TMEM231: variants seen among roughly 807,000 people sequenced by gnomAD.
TMEM231 encodes the protein transmembrane protein 231.
Under a neutral mutation model 38.5 loss-of-function variants are expected in TMEM231, and 40 were observed. The observed-to-expected ratio is 1.04, with a 90% CI of 0.81 to 1.35. The LOEUF is 1.35. Ranked by LOEUF, TMEM231 falls within the 40% of genes most tolerant of loss-of-function variation. TMEM231 has a pLI of 0.00. For missense variants in TMEM231, 420 were observed against 416.9 expected (o/e 1.01, Z -0.07); for synonymous variants, 199 against 181.7 (o/e 1.10, Z -0.77).
At chr16:75,546,148 ACTT>A in intron 2 of TMEM231, 194 bp from the exon 3 acceptor site, 1 of 1,513,304 alleles carries the variant, frequency 6.6e-7, no homozygotes, top group Non-Finnish European at 8.9e-7. Flanking sequence ...TGGTCCCTGA[ACTT>A]CATATCTGGG....
In TMEM231 at chr16:75,546,125, G is replaced by C. The variant is rs1336850360; in HGVS notation, c.310-171C>G. ...TGTAAGTGCATTAATACTGGGGAGA[G>C]ACACAAAGTGCATGGTCCCTGAACT... is the stretch of plus-strand genomic sequence containing the variant. On this transcript the variant is annotated intron_variant, in intron 2 of 6. Transcript: ENST00000258173. 4 of 1,533,968 alleles carry C rather than the reference G, an allele frequency of 2.6e-6. No individual in the cohort carries two copies. The South Asian group carries it at 4.8e-5, about 18-fold the overall frequency.
intron 4 of TMEM231, among the ~76,000 whole-genome samples, chr16:75,543,751 A>G (rs2080652608): frequency 6.6e-6 from 1 of 152,240 alleles, no homozygotes. Context: ...GGAGGAAATA[A>G]TTGCTTGCTG....
chr16:75,544,440 C>T (rs1267597514), intron 4 of TMEM231, among the ~76,000 whole-genome samples: 1 of 151,938 alleles, frequency 6.6e-6, no homozygotes, highest in Non-Finnish European at 1.5e-5. Context: ...GTGGCAGCTG[C>T]TTCTTGGGTT....
At chr16:75,543,800 G>T (rs1374473887) in intron 4 of TMEM231, among the ~76,000 whole-genome samples, 1 of 152,174 alleles carries the variant, frequency 6.6e-6, no homozygotes, top group East Asian at 1.9e-4. Context: ...AACAAAAAGT[G>T]CCATATTCAT....
intron 4 of TMEM231, among the ~76,000 whole-genome samples, chr16:75,543,666 G>A (rs954780211): frequency 8.5e-5 from 13 of 152,070 alleles, no homozygotes; most frequent in Non-Finnish European, 1.8e-4. Flanking sequence ...GTCTTTTCTG[G>A]GTGCTAAGTT....
intron 2 of TMEM231, among the ~76,000 whole-genome samples, chr16:75,548,147 A>G (rs563801334): frequency 6.6e-6 from 1 of 152,238 alleles, no homozygotes; most frequent in Non-Finnish European, 1.5e-5. Context: ...AGTAATGGTG[A>G]AGACAGGATT....
In TMEM231 at chr16:75,541,518, A is replaced by G. The variant is rs1172138216; in HGVS notation, c.665-63T>C. 9 of 1,071,648 alleles carry G rather than the reference A, an allele frequency of 8.4e-6. No homozygotes were observed. In the Admixed American group the frequency reaches 1.8e-4, roughly 22 times the overall value. The allele number at this position is 1,071,648 out of a possible 1,614,324, so 66.4% of individuals were successfully genotyped here. ...TTTGACTCTGGCAGTTGAAGGCTAT[A>G]AAGATTATTTGATACCTGGAAATTA... On this transcript the variant is annotated intron_variant, in intron 5 of 6. Coordinates refer to ENST00000258173, the MANE Select transcript of TMEM231 (RefSeq NM_001077418.3).
rs1346482960 is a variant in TMEM231, at chr16:75,539,951, A to G, written c.*43T>C. ...CCTAAGATGTTCCCAGAAGATGACA[A>G]TGAGGCAGCCACGGTCCTGCTGAGT... is the stretch of plus-strand genomic sequence containing the variant. On this transcript the variant is annotated 3_prime_UTR_variant, in exon 7 of 7. Coordinates refer to ENST00000258173, the MANE Select transcript of TMEM231 (RefSeq NM_001077418.3). 2.6e-6 allele frequency: 4 copies of G among 1,551,498 alleles called. No individual in the cohort carries two copies. In the African/African-American group the frequency reaches 4.1e-5, roughly 16 times the overall value.
At chr16:75,549,089 G>C (rs527924043) in intron 2 of TMEM231, among the ~76,000 whole-genome samples, 2 of 152,230 alleles carry the variant, frequency 1.3e-5, no homozygotes, top group African/African-American at 4.8e-5. Flanking sequence ...AGAGGGGGGA[G>C]AGAAGTTTCG....
intron 2 of TMEM231, among the ~76,000 whole-genome samples, chr16:75,551,782 T>A (rs900417059): frequency 1.3e-5 from 2 of 151,712 alleles, no homozygotes; most frequent in Non-Finnish European, 2.9e-5. Flanking sequence ...ACCAACATGA[T>A]GAAATCCCGT....
intron 2 of TMEM231, among the ~76,000 whole-genome samples, chr16:75,553,170 A>G (rs2080779877): frequency 6.6e-6 from 1 of 152,052 alleles, no homozygotes; most frequent in Admixed American, 6.6e-5. Context: ...ATCAACAACC[A>G]CTGTTTCCTT....
At chr16:75,555,644 T>C in intron 2 of TMEM231, 160 bp downstream of exon 2, 1 of 651,890 alleles carries the variant, frequency 1.5e-6, no homozygotes, top group Non-Finnish European at 2.4e-6. Context: ...ATCGATTCCC[T>C]AGGTCCTAGG....
At chr16:75,551,731 G>A (rs1325328392) in intron 2 of TMEM231, among the ~76,000 whole-genome samples, 1 of 152,122 alleles carries the variant, frequency 6.6e-6, no homozygotes, top group East Asian at 1.9e-4. Context: ...GGAAGCCGAG[G>A]TGGGTGGATC....
chr16:75,541,654 T>C (rs976527440), intron 5 of TMEM231, 199 bp from the exon 6 acceptor site: 3 of 381,184 alleles, frequency 7.9e-6, no homozygotes, highest in African/African-American at 6.3e-5. Context: ...TTTGTTAAAA[T>C]ACATAAAAAA....
At position 75,537,943 on chromosome 16, in the gene TMEM231, C is replaced by T. The variant is rs1405687386; in HGVS notation, c.*2051G>A. 6.6e-6 allele frequency: 1 copy of T among 152,142 alleles called. No individual in the cohort carries two copies. The highest frequency in any genetic ancestry group is 2.1e-4 in the South Asian group (1 of 4,836). 9.4% of individuals were successfully genotyped at this position (152,142 alleles called of 1,614,324 possible). On this transcript the variant is annotated 3_prime_UTR_variant, in exon 7 of 7. Coordinates refer to ENST00000258173, the MANE Select transcript of TMEM231 (RefSeq NM_001077418.3). ...TGAATCCCACTGAAAACTCATCTAC[C>T]TGGGGAAGAACTAGGGGACTTTCAC... is the stretch of plus-strand genomic sequence containing the variant.
At chr16:75,552,480 T>C (rs1016941740) in intron 2 of TMEM231, among the ~76,000 whole-genome samples, 1 of 151,844 alleles carries the variant, frequency 6.6e-6, no homozygotes, top group Middle Eastern at 3.4e-3. Context: ...AAACAAACAA[T>C]TCATAAAAGA....
chr16:75,550,717 C>CT (rs35806847), intron 2 of TMEM231, among the ~76,000 whole-genome samples: 16,579 of 138,746 alleles, frequency 0.12, 2,361 homozygotes, highest in East Asian at 0.71. Context: ...AAGTCGTATT[C>CT]TTTTTTTTTT....
chr16:75,552,775 G>A (rs929578478), intron 2 of TMEM231, among the ~76,000 whole-genome samples: 2 of 152,088 alleles, frequency 1.3e-5, no homozygotes, highest in African/African-American at 4.8e-5. Flanking sequence ...TGCCATACCT[G>A]CCTCCTTGCC....
At position 75,545,877 on chromosome 16, in the gene TMEM231, C is replaced by G; in HGVS notation, c.387G>C (p.Thr129=). The G allele has an allele frequency of 2.1e-6, 3 of 1,461,004 alleles. No homozygotes were observed. The South Asian group carries it at 3.8e-5, about 19-fold the overall frequency. The allele number at this position is 1,461,004 out of a possible 1,614,324, so 90.5% of individuals were successfully genotyped here. ...HFKLELPLQS[T]EHVLGVQLIL... Reference sequence around the variant, plus strand: ...TGAGCTGCACACCGAGAACGTGCTCCGTGGACTGCAGGGGAAGCTCCAGCT... The same window carrying G: ...TGAGCTGCACACCGAGAACGTGCTCGGTGGACTGCAGGGGAAGCTCCAGCT... The change falls in exon 3 of 7, where the codon ACG becomes ACC. Residue 129 remains threonine (T), a synonymous_variant. Transcript: ENST00000258173.
Sources: gnomAD v4.1 joint callset for allele counts (sites outside exome capture counted in the v4.1 genomes callset) on GRCh38, gnomAD v4.1.1 for gene constraint, MANE v1.5 for transcripts, NCBI Gene and HGNC (gene_info 2026-07-23, HGNC 2026-07-21) for gene names.